Variants in RSU1 observed in about 807,000 individuals in gnomAD.
The protein encoded by RSU1 is Ras suppressor protein 1.
In RSU1, 26 loss-of-function variants were observed where a neutral mutation model predicts 31.1. The ratio of observed to expected loss-of-function variants is 0.84; its 90% CI spans 0.61 to 1.16. The LOEUF (loss-of-function observed/expected upper bound fraction) is 1.16. RSU1 is among the 50% of genes most tolerant of loss of function. The probability of loss-of-function intolerance (pLI) is 0.00; values close to 1 mark genes in which losing one functional copy is unlikely to be tolerated. For synonymous variants in RSU1, 164 were observed against 136.3 expected, an observed-to-expected ratio of 1.20 and a Z score of -1.41; for missense variants, 320 against 339.1, an observed-to-expected ratio of 0.94 and a Z score of 0.44.
intron 2 of RSU1, among the ~76,000 whole-genome samples, chr10:16,790,591 T>G (rs1837892005): frequency 1.3e-5 from 2 of 152,206 alleles, no homozygotes; most frequent in African/African-American, 4.8e-5. Context: ...CAGGCTTATC[T>G]GAGCACAGAG....
intron 8 of RSU1, among the ~76,000 whole-genome samples, chr10:16,654,724 C>T (rs1228316533): frequency 6.7e-6 from 1 of 150,282 alleles, no homozygotes; most frequent in East Asian, 2.0e-4. Flanking sequence ...ATTTAAGAAT[C>T]ACAACCTTTA....
At chr10:16,617,725 C>G (rs1457734397) in intron 8 of RSU1, among the ~76,000 whole-genome samples, 1 of 150,408 alleles carries the variant, frequency 6.6e-6, no homozygotes, top group Non-Finnish European at 1.5e-5. Context: ...TGACAAAAGC[C>G]ATGGGGAAAG....
chr10:16,746,693 G>A (rs1232571315), intron 7 of RSU1, among the ~76,000 whole-genome samples: 2 of 147,188 alleles, frequency 1.4e-5, no homozygotes, highest in Non-Finnish European at 3.0e-5. Context: ...TTTTTTCCTG[G>A]GGCTGTTGAC....
Position 16,758,904 on chromosome 10 carries a change from C to T in RSU1, c.282-3915G>A, listed in dbSNP as rs574198865. Among the ~76,000 whole-genome samples, 5 of 152,272 alleles carry T rather than the reference C, an allele frequency of 3.3e-5. No homozygotes were observed. In the South Asian group the frequency reaches 6.2e-4, roughly 19 times the overall value. On this transcript the variant is annotated intron_variant, in intron 4 of 8. Transcript: ENST00000345264. The stretch of plus-strand genomic sequence containing the variant: ...TAAAGCTTCGCAGGGCTCAGCTATG[C>T]CAAGTGGTATCAATTCTTTTGTTTG...
chr10:16,616,060 T>TA (rs1305622893), intron 8 of RSU1, among the ~76,000 whole-genome samples: 2 of 151,944 alleles, frequency 1.3e-5, no homozygotes, highest in African/African-American at 2.4e-5. Flanking sequence ...AAAAACCCTT[T>TA]AAAAAAACCA....
chr10:16,715,884 C>T (rs1836129762), intron 7 of RSU1, among the ~76,000 whole-genome samples: 1 of 152,106 alleles, frequency 6.6e-6, no homozygotes, highest in Non-Finnish European at 1.5e-5. Flanking sequence ...CTACAGATTG[C>T]TTTAGATAGT....
rs1836602315 is a variant in RSU1, at chr10:16,735,300, T to C, written c.598+17239A>G. On this transcript the variant is annotated intron_variant, in intron 7 of 8. Transcript: ENST00000345264. ...CATGTGTACATAACATGAAGTCTGA[T>C]ATGCATCCTAATACCGCTATGTCTG... Among the ~76,000 whole-genome samples, 6 of 152,240 alleles carry C rather than the reference T, an allele frequency of 3.9e-5. No individual in the cohort carries two copies. In the South Asian group the frequency reaches 1.2e-3, roughly 31 times the overall value.
chr10:16,698,571 T>C (rs1835726652), intron 7 of RSU1, among the ~76,000 whole-genome samples: 1 of 152,162 alleles, frequency 6.6e-6, no homozygotes, highest in Admixed American at 6.5e-5. Flanking sequence ...TCAGCCATGT[T>C]CTCTGGGCCC....
intron 4 of RSU1, among the ~76,000 whole-genome samples, chr10:16,758,646 G>A (rs780717828): frequency 3.3e-5 from 5 of 152,198 alleles, no homozygotes; most frequent in Non-Finnish European, 5.9e-5. Context: ...GAGGATAAGA[G>A]AGAAAATATC....
chr10:16,689,444 T>TATAA (rs1835499381), intron 8 of RSU1, among the ~76,000 whole-genome samples: 1 of 152,234 alleles, frequency 6.6e-6, no homozygotes. Context: ...CACTAGAGGA[T>TATAA]ATAGTAGTTG....
At chr10:16,613,337 C>T (rs1209869225) in intron 8 of RSU1, among the ~76,000 whole-genome samples, 1 of 152,204 alleles carries the variant, frequency 6.6e-6, no homozygotes, top group Non-Finnish European at 1.5e-5. Context: ...TGAGTCTCCA[C>T]AGAGACCACC....
intron 7 of RSU1, among the ~76,000 whole-genome samples, chr10:16,742,398 C>T (rs1588506612): frequency 6.6e-6 from 1 of 152,290 alleles, no homozygotes; most frequent in East Asian, 1.9e-4. Flanking sequence ...TCCTTTCAAA[C>T]TCCCACTGCA....
At chr10:16,705,272 C>T (rs1327220490) in intron 7 of RSU1, among the ~76,000 whole-genome samples, 3 of 152,104 alleles carry the variant, frequency 2.0e-5, no homozygotes, top group Non-Finnish European at 4.4e-5. Flanking sequence ...GGACAGGTTC[C>T]AGGACCCCTG....
chr10:16,612,111 T>C (rs1833900183), intron 8 of RSU1, among the ~76,000 whole-genome samples: 1 of 152,164 alleles, frequency 6.6e-6, no homozygotes, highest in African/African-American at 2.4e-5. Context: ...ACCAAGGCAA[T>C]GCCACACTAC....
At chr10:16,792,227 AAG>A (rs1355031959) in intron 2 of RSU1, among the ~76,000 whole-genome samples, 1 of 152,150 alleles carries the variant, frequency 6.6e-6, no homozygotes, top group East Asian at 1.9e-4. Context: ...GCTATCTGCA[AAG>A]GATTCATCAC....
intron 8 of RSU1, among the ~76,000 whole-genome samples, chr10:16,654,507 T>C (rs969305338): frequency 6.7e-6 from 1 of 148,458 alleles, no homozygotes; most frequent in African/African-American, 2.5e-5. Flanking sequence ...CTGTCTTTAC[T>C]AAAAATACAA....
intron 7 of RSU1, chr10:16,722,971 T>C (rs1348380769): frequency 6.6e-6 from 1 of 150,654 alleles, no homozygotes; most frequent in African/African-American, 2.4e-5. Context: ...TATACATATA[T>C]GTATATATAC....
intron 8 of RSU1, among the ~76,000 whole-genome samples, chr10:16,691,280 A>T (rs1423659988): frequency 6.6e-6 from 1 of 152,036 alleles, no homozygotes; most frequent in Non-Finnish European, 1.5e-5. Context: ...ATGAGGATAT[A>T]CTTAATATAA....
intron 8 of RSU1, among the ~76,000 whole-genome samples, chr10:16,670,289 C>A (rs77194473): frequency 0.058 from 8,876 of 152,196 alleles, 381 homozygotes; most frequent in East Asian, 0.18. Flanking sequence ...ACTGAGCTTG[C>A]TACATAATCG....
Sources: allele counts gnomAD v4.1 joint callset (sites outside exome capture counted in the v4.1 genomes callset), GRCh38; gene constraint gnomAD v4.1.1; transcripts MANE v1.5; gene names NCBI Gene and HGNC (gene_info 2026-07-23, HGNC 2026-07-21).